ZNF385D: variants seen among roughly 807,000 people sequenced by gnomAD.
ZNF385D encodes the protein zinc finger protein 385D, also known as zinc finger protein 659.
ZNF385D carries 15 observed loss-of-function variants against 35.8 expected under a neutral mutation model. That is an observed-to-expected ratio of 0.42 (90% CI 0.28 to 0.64). The LOEUF is 0.64. Among genes scored for constraint, ZNF385D ranks in the 30% least tolerant of loss-of-function variants. ZNF385D has a pLI of 0.23. For missense variants in ZNF385D, 474 were observed against 494.6 expected, an observed-to-expected ratio of 0.96 and a Z score of 0.39; for synonymous variants, 212 against 186.8, an observed-to-expected ratio of 1.13 and a Z score of -1.10.
At chr3:21,839,152 C>G (rs1365124479) in intron 3 of ZNF385D, among the ~76,000 whole-genome samples, 1 of 152,064 alleles carries the variant, frequency 6.6e-6, no homozygotes, top group Non-Finnish European at 1.5e-5. Flanking sequence ...CTTTCTAACT[C>G]CAAGCCTTAA....
chr3:21,885,740 C>CTGTG (rs3074769), intron 3 of ZNF385D, among the ~76,000 whole-genome samples: 6,745 of 101,140 alleles, frequency 0.067, 221 homozygotes, highest in Non-Finnish European at 0.083. Flanking sequence ...GTGTCTGTGT[C>CTGTG]TGTGTGTGTG....
At chr3:22,279,504 A>G (rs1701609772) in intron 2 of ZNF385D, among the ~76,000 whole-genome samples, 1 of 139,090 alleles carries the variant, frequency 7.2e-6, no homozygotes, top group Non-Finnish European at 1.5e-5. Flanking sequence ...ACATATGTAC[A>G]TATATATGTA....
At chr3:21,479,641 C>T (rs1220027209) in intron 4 of ZNF385D, among the ~76,000 whole-genome samples, 2 of 152,112 alleles carry the variant, frequency 1.3e-5, no homozygotes, top group Non-Finnish European at 2.9e-5. Context: ...CTGCTGATGG[C>T]TACCTAGAGC....
intron 3 of ZNF385D, among the ~76,000 whole-genome samples, chr3:22,162,707 T>G (rs181949850): frequency 3.3e-5 from 5 of 152,292 alleles, no homozygotes; most frequent in Admixed American, 1.3e-4. Flanking sequence ...GCCTCTCCTT[T>G]GAGCCTCATA....
intron 2 of ZNF385D, among the ~76,000 whole-genome samples, chr3:22,193,933 G>A (rs1696231594): frequency 6.6e-6 from 1 of 152,000 alleles, no homozygotes. Flanking sequence ...ACTATTATCA[G>A]CATTAGGTAG....
intron 3 of ZNF385D, among the ~76,000 whole-genome samples, chr3:22,045,396 G>C (rs1481581786): frequency 6.6e-6 from 1 of 152,096 alleles, no homozygotes; most frequent in Non-Finnish European, 1.5e-5. Flanking sequence ...AAATACGAAT[G>C]GGAGATGATA....
At chr3:22,097,563 T>C (rs535521059) in intron 3 of ZNF385D, among the ~76,000 whole-genome samples, 50 of 152,152 alleles carry the variant, frequency 3.3e-4, no homozygotes, top group African/African-American at 9.9e-4. Flanking sequence ...TCCAAGAACA[T>C]TGAAAGAGCA....
At chr3:21,803,628 G>C (rs191718770) in intron 3 of ZNF385D, among the ~76,000 whole-genome samples, 1 of 152,092 alleles carries the variant, frequency 6.6e-6, no homozygotes, top group Non-Finnish European at 1.5e-5. Context: ...GGACATAAAA[G>C]CTATATATAT....
chr3:22,253,113 C>T (rs528820689), intron 2 of ZNF385D, among the ~76,000 whole-genome samples: 36 of 152,056 alleles, frequency 2.4e-4, no homozygotes, highest in African/African-American at 8.0e-4. Context: ...GTCTCCCACA[C>T]TGAGGGAATG....
In ZNF385D at chr3:21,683,749, C is replaced by T. The variant is rs185047274; in HGVS notation, c.23-18721G>A. ...CCCTTACTGGCCTGAAGATCGAGGC[C>T]ACATGTAAAGGAATGCAGATGGTCT... is the stretch of plus-strand genomic sequence containing the variant. On this transcript the variant is annotated intron_variant, in intron 1 of 7. Transcript: ENST00000281523. 2.7e-5 allele frequency among the ~76,000 whole-genome samples: 4 copies of T among 150,268 alleles called. 2 individuals carry two copies. In the East Asian group the frequency reaches 8.0e-4, roughly 30 times the overall value.
chr3:22,071,238 G>A (rs930322910), intron 3 of ZNF385D, among the ~76,000 whole-genome samples: 1 of 152,014 alleles, frequency 6.6e-6, no homozygotes, highest in African/African-American at 2.4e-5. Flanking sequence ...TATCCCAAAG[G>A]TTCCAACTCA....
At chr3:21,755,306 A>G (rs991945295), upstream of ZNF385D, among the ~76,000 whole-genome samples, 3 of 152,158 alleles carry the variant, frequency 2.0e-5, no homozygotes, top group African/African-American at 7.2e-5. Flanking sequence ...AAATGGTATG[A>G]TCATGCCACT....
chr3:22,314,297 C>T (rs1703761498), intron 2 of ZNF385D, among the ~76,000 whole-genome samples: 1 of 152,002 alleles, frequency 6.6e-6, no homozygotes, highest in Non-Finnish European at 1.5e-5. Context: ...ACTGAGTCCC[C>T]AAAGTCTATC....
At chr3:21,844,393 T>A (rs1218868228) in intron 3 of ZNF385D, among the ~76,000 whole-genome samples, 1 of 139,944 alleles carries the variant, frequency 7.1e-6, no homozygotes, top group Non-Finnish European at 1.5e-5. Context: ...TGGTGCTTTC[T>A]TGGGGATTTT....
chr3:22,223,805 T>A (rs1354665142), intron 2 of ZNF385D, among the ~76,000 whole-genome samples: 1 of 152,216 alleles, frequency 6.6e-6, no homozygotes, highest in Non-Finnish European at 1.5e-5. Context: ...ACATTATTCA[T>A]GAAATTATAA....
intron 3 of ZNF385D, among the ~76,000 whole-genome samples, chr3:21,782,299 A>T (rs994520727): frequency 6.6e-6 from 1 of 152,112 alleles, no homozygotes; most frequent in African/African-American, 2.4e-5. Flanking sequence ...ATGAGGTATC[A>T]ACATAAAATC....
chr3:22,246,720 T>C (rs779451111), intron 2 of ZNF385D, among the ~76,000 whole-genome samples: 2 of 152,116 alleles, frequency 1.3e-5, no homozygotes, highest in Non-Finnish European at 2.9e-5. Flanking sequence ...TTATTCTTAT[T>C]ATGAAGGTAG....
At chr3:22,259,427 C>G (rs1339837585) in intron 2 of ZNF385D, among the ~76,000 whole-genome samples, 3 of 151,610 alleles carry the variant, frequency 2.0e-5, no homozygotes, top group African/African-American at 4.8e-5. Flanking sequence ...TAAGAATAAC[C>G]AGAGTCTGTC....
At chr3:21,519,209 A>G (rs985587812) in intron 3 of ZNF385D, among the ~76,000 whole-genome samples, 1 of 152,196 alleles carries the variant, frequency 6.6e-6, no homozygotes, top group Non-Finnish European at 1.5e-5. Flanking sequence ...CATTCTAAAT[A>G]CACATGAAGA....
Sources: allele counts gnomAD v4.1 joint callset (sites outside exome capture counted in the v4.1 genomes callset), GRCh38; gene constraint gnomAD v4.1.1; transcripts MANE v1.5; gene names NCBI Gene and HGNC (gene_info 2026-07-23, HGNC 2026-07-21).